Variants in DYNC2I1 observed in about 807,000 individuals in gnomAD.
DYNC2I1 encodes the protein dynein 2 intermediate chain 1, also known as cytoplasmic dynein 2 intermediate chain 1.
In DYNC2I1, 89 loss-of-function variants were observed where a neutral mutation model predicts 133.4. That is an observed-to-expected ratio of 0.67 (90% CI 0.56 to 0.80). The LOEUF (loss-of-function observed/expected upper bound fraction) is 0.80. DYNC2I1 is among the 30% of genes least tolerant of loss of function. The pLI is 0.00. For missense variants in DYNC2I1, 1,291 were observed against 1,314.5 expected (o/e 0.98, Z 0.28); for synonymous variants, 504 against 484.3 (o/e 1.04, Z -0.54).
chr7:158,922,512 C>T lies in DYNC2I1; in HGVS notation c.2057C>T (p.Pro686Leu). Residue 686 changes from proline to leucine, a missense_variant, in exon 16 of 25, where the codon CCT (proline) becomes CTT (leucine). By Grantham distance (98) the Pro-to-Leu change is moderately conservative. Coordinates refer to ENST00000407559, the MANE Select transcript of DYNC2I1 (RefSeq NM_018051.5). ...CTCTGTGTGTGGGATATTTGGCAGC[C>T]TTCAGGGCCACAGAAAGTTCTGATA... ...YVLCVWDIWQ[P>L]SGPQKVLICE... The T allele has an allele frequency of 6.2e-7, 1 of 1,613,954 alleles. No homozygotes were observed. Among genetic ancestry groups the T allele is most frequent in the Non-Finnish European group, 8.5e-7 (1 of 1,179,892 alleles).
At chr7:158,891,448 G>A in intron 8 of DYNC2I1, 115 bp downstream of exon 8, 1 of 1,150,746 alleles carries the variant, frequency 8.7e-7, no homozygotes, top group Non-Finnish European at 1.3e-6. Context: ...CTTTCAGACA[G>A]CAGAACATGA....
In DYNC2I1 at chr7:158,913,064, A is replaced by G. The variant is rs763440280; in HGVS notation, c.1670A>G (p.Gln557Arg). Residue 557 changes from glutamine (Q) to arginine (R), a missense_variant, in exon 13 of 25, where the codon CAG becomes CGG. Gln to Arg is a conservative substitution (Grantham distance 43, BLOSUM62 1). Coordinates refer to ENST00000407559, the MANE Select transcript of DYNC2I1 (RefSeq NM_018051.5). ...EEIETREVWT[Q>R]HPGESTVVSG... Reference sequence around the variant, plus strand: ...ATAGAGACCAGGGAAGTGTGGACCCAGCACCCGGGAGAAAGTACTGTTGTA... The same window carrying G: ...ATAGAGACCAGGGAAGTGTGGACCCGGCACCCGGGAGAAAGTACTGTTGTA... 6.2e-7 allele frequency: 1 copy of G among 1,613,574 alleles called. No individual in the cohort carries two copies. The highest frequency in any genetic ancestry group is 8.5e-7 in the Non-Finnish European group (1 of 1,179,638).
chr7:158,938,179 C>T (rs1237705856), intron 23 of DYNC2I1, among the ~76,000 whole-genome samples: 1 of 152,166 alleles, frequency 6.6e-6, no homozygotes. Context: ...AATAATCAGA[C>T]TCTCAAAGGT....
intron 8 of DYNC2I1, among the ~76,000 whole-genome samples, chr7:158,896,389 T>C (rs1845765940): frequency 6.6e-6 from 1 of 152,236 alleles, no homozygotes; most frequent in Non-Finnish European, 1.5e-5. Context: ...ATGGATTACA[T>C]TAATTGATCC....
At chr7:158,914,174 G>T in intron 13 of DYNC2I1, 59 bp from the exon 14 acceptor site, 2 of 1,395,964 alleles carry the variant, frequency 1.4e-6, no homozygotes, top group Admixed American at 4.0e-5. Flanking sequence ...CTTAAGATGT[G>T]TAATGCATGA....
At chr7:158,872,011 T>C (rs532619858) in intron 3 of DYNC2I1, among the ~76,000 whole-genome samples, 3 of 152,324 alleles carry the variant, frequency 2.0e-5, no homozygotes, top group South Asian at 4.1e-4. Context: ...TGTTTTTCTT[T>C]TGGTATTTTA....
At chr7:158,904,724 C>T (rs1846585775) in intron 10 of DYNC2I1, 1 of 157,300 alleles carries the variant, frequency 6.4e-6, no homozygotes, top group Admixed American at 6.3e-5. Context: ...GGCAGATGTC[C>T]AGCAATAAGG....
chr7:158,894,850 T>C (rs1337988191), intron 8 of DYNC2I1, among the ~76,000 whole-genome samples: 2 of 146,670 alleles, frequency 1.4e-5, no homozygotes, highest in Non-Finnish European at 3.0e-5. Flanking sequence ...CTCACCTGCA[T>C]TCGGTGTTGT....
At chr7:158,898,973 G>A (rs899856818) in intron 8 of DYNC2I1, among the ~76,000 whole-genome samples, 1 of 151,484 alleles carries the variant, frequency 6.6e-6, no homozygotes, top group Non-Finnish European at 1.5e-5. Flanking sequence ...TATCCTTGCT[G>A]TCATTCATTT....
At chr7:158,935,472 G>A (rs1850659212) in intron 23 of DYNC2I1, among the ~76,000 whole-genome samples, 1 of 152,186 alleles carries the variant, frequency 6.6e-6, no homozygotes, top group African/African-American at 2.4e-5. Context: ...TCTCACTAGT[G>A]TTTACAAATT....
At chr7:158,903,383 T>C (rs1045405814) in intron 10 of DYNC2I1, 5 of 152,248 alleles carry the variant, frequency 3.3e-5, no homozygotes, top group Admixed American at 1.3e-4. Flanking sequence ...TAAAATAGGA[T>C]AATATTAAAA....
intron 14 of DYNC2I1, among the ~76,000 whole-genome samples, chr7:158,915,628 C>CAGTA (rs1554469682): frequency 2.8e-3 from 61 of 21,820 alleles, no homozygotes; most frequent in African/African-American, 8.5e-3. Context: ...CGCTGGTTGA[C>CAGTA]AGGATGATTG....
intron 1 of DYNC2I1, among the ~76,000 whole-genome samples, chr7:158,859,102 G>T (rs970080913): frequency 6.9e-6 from 1 of 145,984 alleles, no homozygotes; most frequent in African/African-American, 2.6e-5. Flanking sequence ...CTCAAGCAAC[G>T]CTCTTGCCTT....
chr7:158,905,137 T>G (rs566240100), intron 10 of DYNC2I1: 15 of 415,626 alleles, frequency 3.6e-5, no homozygotes, highest in African/African-American at 3.0e-4. Flanking sequence ...TGTCTTTCTT[T>G]TTCTTTTTTT....
chr7:158,856,594 G>T lies in DYNC2I1; in HGVS notation c.-142G>T. The T allele has an allele frequency of 1.2e-6, 1 of 858,030 alleles. No individual in the cohort carries two copies. Among genetic ancestry groups the T allele is most frequent in the Non-Finnish European group, 1.5e-6 (1 of 647,944 alleles). 53.2% of individuals were successfully genotyped at this position (858,030 alleles called of 1,614,324 possible). On this transcript the variant is annotated 5_prime_UTR_variant, in exon 1 of 25. Coordinates refer to ENST00000407559, the MANE Select transcript of DYNC2I1 (RefSeq NM_018051.5). The stretch of plus-strand genomic sequence containing the variant: ...CAGGGCACGCTGGGCAGTGCTTCTG[G>T]GCCCTCTGCTGCTCCTGCTTGTCGG...
At chr7:158,873,052 T>C (rs947143828) in intron 3 of DYNC2I1, among the ~76,000 whole-genome samples, 1 of 152,088 alleles carries the variant, frequency 6.6e-6, no homozygotes, top group South Asian at 2.1e-4. Flanking sequence ...AGGCTTATTA[T>C]CTCCGTAAAT....
chr7:158,871,255 C>A lies in DYNC2I1; in HGVS notation c.183C>A (p.Asp61Glu). The change falls in exon 3 of 25, where the codon GAC becomes GAA. Residue 61 changes from aspartate to glutamate, a missense_variant. Transcript: ENST00000407559. The stretch of plus-strand genomic sequence containing the variant: ...AGGAGCCGAGGTGCAGGGATCCCGA[C>A]CAGGATGCCAGGAGCAGAGACAGGG... ...EHKEPRCRDP[D>E]QDARSRDRVA... 1.9e-6 allele frequency: 3 copies of A among 1,606,862 alleles called. No homozygotes were observed. Among genetic ancestry groups the A allele is most frequent in the African/African-American group, 1.3e-5 (1 of 74,892 alleles).
intron 20 of DYNC2I1, 53 bp from the exon 21 acceptor site, chr7:158,930,402 T>G: frequency 6.7e-7 from 1 of 1,490,358 alleles, no homozygotes; most frequent in South Asian, 1.2e-5. Flanking sequence ...ATAACTAGAT[T>G]TTGATTTAGC....
chr7:158,839,798 G>C, the DYNC2I1 span, among the ~76,000 whole-genome samples: 50 of 150,738 alleles, frequency 3.3e-4, no homozygotes, highest in East Asian at 9.8e-3. Flanking sequence ...CCAGCCTGGG[G>C]GACAGAATGA....
Sources: allele counts gnomAD v4.1 joint callset (sites outside exome capture counted in the v4.1 genomes callset), GRCh38; gene constraint gnomAD v4.1.1; transcripts MANE v1.5; gene names NCBI Gene and HGNC (gene_info 2026-07-23, HGNC 2026-07-21).